Variants in MARCHF1 observed in about 807,000 individuals in gnomAD.
MARCHF1 encodes the protein membrane associated ring-CH-type finger 1, also known as E3 ubiquitin-protein ligase MARCHF1.
Under a neutral mutation model 54.2 loss-of-function variants are expected in MARCHF1, and 40 were observed. That is an observed-to-expected ratio of 0.74 (90% CI 0.57 to 0.96). The LOEUF (loss-of-function observed/expected upper bound fraction) is 0.96, where lower values mean the gene tolerates loss of function less well. Ranked by LOEUF, MARCHF1 falls within the 40% of genes least tolerant of loss-of-function variation. The probability of loss-of-function intolerance (pLI) is 0.00; values close to 1 mark genes in which losing one functional copy is unlikely to be tolerated. For synonymous variants in MARCHF1, 236 were observed against 236.3 expected (o/e 1.00, Z 0.01); for missense variants, 586 against 656.5 (o/e 0.89, Z 1.17).
At chr4:164,163,156 C>A (rs898170441) in intron 1 of MARCHF1, among the ~76,000 whole-genome samples, 2 of 151,744 alleles carry the variant, frequency 1.3e-5, no homozygotes, top group East Asian at 3.9e-4. Context: ...AATTATCCCA[C>A]CTAGAAGATC....
At chr4:164,325,591 A>T (rs1466096237) in intron 1 of MARCHF1, among the ~76,000 whole-genome samples, 3 of 151,952 alleles carry the variant, frequency 2.0e-5, no homozygotes. Context: ...AAAACCTGAG[A>T]TTACAAATAC....
intron 1 of MARCHF1, among the ~76,000 whole-genome samples, chr4:164,182,027 G>C (rs918501992): frequency 1.3e-5 from 2 of 151,980 alleles, no homozygotes; most frequent in Non-Finnish European, 2.9e-5. Context: ...TCAGGTAAAA[G>C]GTAATTTTTT....
At chr4:163,859,800 T>A (rs1158161866) in intron 3 of MARCHF1, among the ~76,000 whole-genome samples, 1 of 152,166 alleles carries the variant, frequency 6.6e-6, no homozygotes, top group African/African-American at 2.4e-5. Flanking sequence ...ATCCTCATTA[T>A]ACTAAGAGAT....
chr4:163,634,699 G>A (rs919161546), intron 5 of MARCHF1, among the ~76,000 whole-genome samples: 1 of 151,364 alleles, frequency 6.6e-6, no homozygotes, highest in Non-Finnish European at 1.5e-5. Context: ...GAGAAAGAAA[G>A]TCAACAAGGA....
At position 163,527,112 on chromosome 4, in the gene MARCHF1, T is replaced by TAAC. The variant is rs1738137321; in HGVS notation, c.*1633_*1635dup. ...TTTCATGTTAATAAATAATGACAGC[T>TAAC]AACAAAAATAAGTCACCTTTTTTAA... On this transcript the variant is annotated 3_prime_UTR_variant, in exon 10 of 10. Coordinates refer to ENST00000514618, the MANE Select transcript of MARCHF1 (RefSeq NM_001394959.1). 3 of 152,018 alleles carry TAAC rather than the reference T, an allele frequency of 2.0e-5. No homozygotes were observed. The highest frequency in any genetic ancestry group is 2.0e-4 in the Admixed American group (3 of 15,224). The allele number at this position is 152,018 out of a possible 1,614,324, so 9.4% of individuals were successfully genotyped here. A position where few individuals can be genotyped will look rare whatever the true frequency, so the allele number is the denominator to read the frequency against.
intron 3 of MARCHF1, among the ~76,000 whole-genome samples, chr4:163,943,169 T>C (rs1054465906): frequency 6.6e-6 from 1 of 152,210 alleles, no homozygotes; most frequent in Non-Finnish European, 1.5e-5. Flanking sequence ...GATAATTTCT[T>C]TTGCTGTGTA....
intron 1 of MARCHF1, among the ~76,000 whole-genome samples, chr4:164,338,765 G>T (rs1729830731): frequency 6.6e-6 from 1 of 152,146 alleles, no homozygotes; most frequent in Non-Finnish European, 1.5e-5. Context: ...CTGAGGTTGG[G>T]AGTTTGAGAC....
At chr4:164,030,673 T>C (rs1753858929) in intron 2 of MARCHF1, among the ~76,000 whole-genome samples, 1 of 152,186 alleles carries the variant, frequency 6.6e-6, no homozygotes, top group Non-Finnish European at 1.5e-5. Flanking sequence ...GGAAATAGCT[T>C]TGTGGCAGAG....
intron 5 of MARCHF1, among the ~76,000 whole-genome samples, chr4:163,662,970 T>C (rs903459871): frequency 9.1e-6 from 1 of 109,810 alleles, no homozygotes; most frequent in Admixed American, 9.7e-5. Flanking sequence ...CCACGGGTTA[T>C]TATTGGCCTG....
At chr4:163,810,416 T>A (rs902486934) in intron 4 of MARCHF1, among the ~76,000 whole-genome samples, 17 of 152,170 alleles carry the variant, frequency 1.1e-4, no homozygotes, top group Non-Finnish European at 2.2e-4. Flanking sequence ...AAGTAGCAAA[T>A]ACAAACTTCT....
intron 4 of MARCHF1, among the ~76,000 whole-genome samples, chr4:163,735,210 T>TC (rs1196822401): frequency 1.3e-5 from 2 of 152,158 alleles, no homozygotes; most frequent in African/African-American, 4.8e-5. Flanking sequence ...TTAGGACATG[T>TC]CACTCTTCAT....
chr4:163,714,435 G>A (rs988786116), intron 4 of MARCHF1, among the ~76,000 whole-genome samples: 3 of 152,164 alleles, frequency 2.0e-5, no homozygotes, highest in East Asian at 1.9e-4. Context: ...ATCAGTTTGG[G>A]GGTAAGTTTA....
chr4:164,025,271 G>C (rs763226968), intron 2 of MARCHF1, among the ~76,000 whole-genome samples: 1 of 151,914 alleles, frequency 6.6e-6, no homozygotes, highest in Non-Finnish European at 1.5e-5. Flanking sequence ...TCCACCCAAA[G>C]ATCACGGAAT....
In MARCHF1 at chr4:164,093,008, G is replaced by A. The variant is rs10020936; in HGVS notation, c.-248+18580C>T. ...TACACTCCACAAGTAAAGAACCTTG[G>A]TAATTTGAAGGTCGGGTTAATAACT... On this transcript the variant is annotated intron_variant, in intron 2 of 9. Coordinates refer to ENST00000514618, the MANE Select transcript of MARCHF1 (RefSeq NM_001394959.1). Among the ~76,000 whole-genome samples the A allele has an allele frequency of 2.3e-3, 353 of 152,188 alleles. 2 individuals are homozygous for A. The highest frequency in any genetic ancestry group is 8.4e-3 in the African/African-American group (351 of 41,542).
intron 3 of MARCHF1, among the ~76,000 whole-genome samples, chr4:163,879,686 G>C (rs1161960591): frequency 7.5e-6 from 1 of 134,216 alleles, no homozygotes; most frequent in Non-Finnish European, 1.7e-5. Context: ...TATGGAAGGG[G>C]GTAAGATTAC....
intron 4 of MARCHF1, among the ~76,000 whole-genome samples, chr4:163,815,463 C>G (rs973930807): frequency 2.6e-5 from 4 of 152,136 alleles, no homozygotes; most frequent in African/African-American, 7.2e-5. Context: ...TAAATCATCA[C>G]AACAGGCTTT....
intron 4 of MARCHF1, among the ~76,000 whole-genome samples, chr4:163,731,854 T>A (rs892459171): frequency 6.6e-6 from 1 of 152,032 alleles, no homozygotes; most frequent in African/African-American, 2.4e-5. Flanking sequence ...AGTAATGGAG[T>A]CAAATGATCC....
intron 9 of MARCHF1, among the ~76,000 whole-genome samples, chr4:163,540,846 A>T (rs376304448): frequency 1.6e-4 from 24 of 152,040 alleles, no homozygotes; most frequent in East Asian, 5.8e-4. Context: ...ACATGATGAA[A>T]CCTTGTCCCT....
At chr4:163,629,503 A>G (rs953816957) in intron 5 of MARCHF1, among the ~76,000 whole-genome samples, 1 of 152,230 alleles carries the variant, frequency 6.6e-6, no homozygotes, top group African/African-American at 2.4e-5. Context: ...ATGGGCAAAG[A>G]CTTCATGAGT....
Sources: allele counts gnomAD v4.1 joint callset (sites outside exome capture counted in the v4.1 genomes callset), GRCh38; gene constraint gnomAD v4.1.1; transcripts MANE v1.5; gene names NCBI Gene and HGNC (gene_info 2026-07-23, HGNC 2026-07-21).